Variants in RGPD6 observed in about 807,000 individuals in gnomAD.
RGPD6 encodes RANBP2-like and GRIP domain-containing protein 5/6.
chr2:110,596,789 C>T, the RGPD6 span, among the ~76,000 whole-genome samples: 1 of 134,214 alleles, frequency 7.5e-6, no homozygotes, highest in Non-Finnish European at 1.6e-5. Context: ...AATTAGAATT[C>T]CACTAGTCTA....
chr2:110,600,892 C>T, the RGPD6 span, among the ~76,000 whole-genome samples: 9,622 of 130,552 alleles, frequency 0.074, 66 homozygotes, highest in African/African-American at 0.18. Flanking sequence ...TCCTAACAGG[C>T]CCCGGACCAA....
At chr2:110,593,373 C>G in the RGPD6 span, among the ~76,000 whole-genome samples, 6 of 146,230 alleles carry the variant, frequency 4.1e-5, no homozygotes, top group Admixed American at 4.1e-4. Flanking sequence ...CTGTATTTTG[C>G]TTGTTTTGCT....
the RGPD6 span, among the ~76,000 whole-genome samples, chr2:110,593,400 T>C: frequency 2.1e-5 from 3 of 145,884 alleles, no homozygotes; most frequent in African/African-American, 8.1e-5. Flanking sequence ...CTGAATGTAT[T>C]GAAGCAAGGT....
At chr2:110,605,129 C>G in the RGPD6 span, among the ~76,000 whole-genome samples, 2 of 151,970 alleles carry the variant, frequency 1.3e-5, no homozygotes, top group Admixed American at 1.3e-4. Context: ...CAGCTTTCTC[C>G]AAAACACGCC....
At chr2:110,611,030 C>A in the RGPD6 span, 5 of 960,962 alleles carry the variant, frequency 5.2e-6, no homozygotes, top group Admixed American at 3.4e-4. Context: ...GCAGCGAGCT[C>A]GCCGCGCCGC....
the RGPD6 span, among the ~76,000 whole-genome samples, chr2:110,600,501 GGA>G: frequency 5.1e-4 from 4 of 7,882 alleles, no homozygotes; most frequent in Non-Finnish European, 1.4e-3. Context: ...GATGGTTTCA[GGA>G]TGGTTCAAGT....
chr2:110,594,227 T>C, the RGPD6 span, among the ~76,000 whole-genome samples: 1 of 146,396 alleles, frequency 6.8e-6, no homozygotes, highest in South Asian at 2.1e-4. Flanking sequence ...ACACATCCTT[T>C]TGTGCTTAAA....
At chr2:110,604,846 C>A in the RGPD6 span, among the ~76,000 whole-genome samples, 2 of 148,210 alleles carry the variant, frequency 1.3e-5, no homozygotes, top group Non-Finnish European at 3.0e-5. Flanking sequence ...TGATTAGACC[C>A]ATTGTAGTTA....
the RGPD6 span, among the ~76,000 whole-genome samples, chr2:110,600,110 G>A: frequency 4.0e-5 from 6 of 151,108 alleles, no homozygotes; most frequent in Non-Finnish European, 8.9e-5. Context: ...ATGATCACTG[G>A]TGCTCAGGCA....
the RGPD6 span, among the ~76,000 whole-genome samples, chr2:110,610,721 G>A: frequency 6.9e-6 from 1 of 144,858 alleles, no homozygotes; most frequent in Non-Finnish European, 1.5e-5. Flanking sequence ...TTACCACAGT[G>A]ACTCGAGGTC....
At chr2:110,592,784 AAGAG>A in the RGPD6 span, among the ~76,000 whole-genome samples, 3 of 138,908 alleles carry the variant, frequency 2.2e-5, no homozygotes, top group Non-Finnish European at 4.5e-5. Flanking sequence ...CATCTCAAAA[AAGAG>A]AGAGAGAGAA....
chr2:110,611,032 C>T, the RGPD6 span: 1 of 964,736 alleles, frequency 1.0e-6, no homozygotes, highest in African/African-American at 2.0e-5. Flanking sequence ...AGCGAGCTCG[C>T]CGCGCCGCCG....
the RGPD6 span, among the ~76,000 whole-genome samples, chr2:110,604,883 C>T: frequency 1.2e-4 from 18 of 149,168 alleles, no homozygotes; most frequent in Non-Finnish European, 2.5e-4. Context: ...AAAATAGATT[C>T]TTAGCATTTT....
At chr2:110,591,699 C>G in the RGPD6 span, among the ~76,000 whole-genome samples, 28 of 152,040 alleles carry the variant, frequency 1.8e-4, no homozygotes, top group African/African-American at 6.3e-4. Context: ...TCATTTCCTC[C>G]CTGAGGCTCT....
At chr2:110,606,098 G>GA in the RGPD6 span, among the ~76,000 whole-genome samples, 1 of 151,636 alleles carries the variant, frequency 6.6e-6, no homozygotes, top group South Asian at 2.1e-4. Context: ...CTAAAAAAAA[G>GA]AAAAAAGAGA....
At chr2:110,605,803 C>T in the RGPD6 span, among the ~76,000 whole-genome samples, 5 of 151,366 alleles carry the variant, frequency 3.3e-5, no homozygotes, top group African/African-American at 1.2e-4. Context: ...CACTTTATTC[C>T]CTCCATGTTT....
chr2:110,607,771 GATCA>G, the RGPD6 span, among the ~76,000 whole-genome samples: 10 of 146,576 alleles, frequency 6.8e-5, no homozygotes, highest in East Asian at 5.9e-4. Flanking sequence ...GTTTTTCTAT[GATCA>G]ATCAAAGGAA....
At chr2:110,610,738 C>G in the RGPD6 span, among the ~76,000 whole-genome samples, 1 of 145,692 alleles carries the variant, frequency 6.9e-6, no homozygotes, top group African/African-American at 2.5e-5. Context: ...GGTCCCATTC[C>G]TGGAGCAGGG....
At chr2:110,605,822 A>G in the RGPD6 span, among the ~76,000 whole-genome samples, 2 of 151,268 alleles carry the variant, frequency 1.3e-5, no homozygotes, top group African/African-American at 4.9e-5. Context: ...TTCTATTCAC[A>G]GTCTTCCCAC....
Sources: gnomAD v4.1 joint callset for allele counts (sites outside exome capture counted in the v4.1 genomes callset) on GRCh38, gnomAD v4.1.1 for gene constraint, MANE v1.5 for transcripts, NCBI Gene and HGNC (gene_info 2026-07-23, HGNC 2026-07-21) for gene names.